The following KATNAL1 variants were observed in gnomAD, a reference collection of about 807,000 sequenced individuals.
KATNAL1 encodes the protein katanin catalytic subunit A1 like 1, also known as katanin p60 ATPase-containing subunit A-like 1.
Under a neutral mutation model 55.2 loss-of-function variants are expected in KATNAL1, and 32 were observed. The ratio of observed to expected loss-of-function variants is 0.58; its 90% CI spans 0.44 to 0.78. KATNAL1 has a LOEUF of 0.78. Ranked by LOEUF, KATNAL1 falls within the 30% of genes least tolerant of loss-of-function variation. The pLI is 0.00. For synonymous variants in KATNAL1, 193 were observed against 193.6 expected, an observed-to-expected ratio of 1.00 and a Z score of 0.02; for missense variants, 466 against 600.9, an observed-to-expected ratio of 0.78 and a Z score of 2.35.
chr13:30,278,188 G>C (rs1023824038), intron 3 of KATNAL1, among the ~76,000 whole-genome samples: 2 of 151,362 alleles, frequency 1.3e-5, no homozygotes, highest in Middle Eastern at 3.4e-3. Flanking sequence ...TATTGTTGTT[G>C]ATGGTATACA....
chr13:30,223,418 G>C (rs1875111487), intron 9 of KATNAL1, among the ~76,000 whole-genome samples: 1 of 133,692 alleles, frequency 7.5e-6, no homozygotes, highest in South Asian at 2.5e-4. Context: ...CTCCAGCCAG[G>C]GTGACAGAGC....
chr13:30,218,098 C>A lies in KATNAL1; in HGVS notation c.1148-7656G>T, dbSNP rs148202405. Among the ~76,000 whole-genome samples the A allele has an allele frequency of 1.3e-4, 19 of 151,680 alleles. 1 individual carries two copies. In the South Asian group the frequency reaches 4.0e-3, roughly 32 times the overall value. On this transcript the variant is annotated intron_variant, in intron 9 of 10. Coordinates refer to ENST00000380615, the MANE Select transcript of KATNAL1 (RefSeq NM_032116.5). ...CAACACAGAAGTAGGAAGAAGCATG[C>A]GTGCAGCAGAATGGGGGAAAAAGGT...
chr13:30,231,154 C>G (rs1876054225), intron 7 of KATNAL1, among the ~76,000 whole-genome samples, 160 bp downstream of exon 7: 1 of 152,182 alleles, frequency 6.6e-6, no homozygotes, highest in Non-Finnish European at 1.5e-5. Context: ...CCAACTACCC[C>G]ACAAAACCCA....
At position 30,255,598 on chromosome 13, in the gene KATNAL1, C is replaced by G; in HGVS notation, c.341G>C (p.Arg114Thr). The G allele has an allele frequency of 6.6e-7, 1 of 1,521,248 alleles. No homozygotes were observed. The highest frequency in any genetic ancestry group is 8.8e-7 in the Non-Finnish European group (1 of 1,136,646). 94.2% of individuals were successfully genotyped at this position (1,521,248 alleles called of 1,614,324 possible). A position where few individuals can be genotyped will look rare whatever the true frequency, so the allele number is the denominator to read the frequency against. The stretch of plus-strand genomic sequence containing the variant: ...AGGTCTTACTTCTCGATTGGGACGC[C>G]TGATCTGAGGTGGAGCTCTGACAAA... ...PAEHRAPPQI[R>T]RPNREVRPLR... is the part of the protein sequence containing the mutation. Residue 114 changes from arginine to threonine, a missense_variant, in exon 4 of 11, where the codon AGG (arginine) becomes ACG (threonine). Arg to Thr is a moderately conservative substitution (Grantham distance 71, BLOSUM62 -1). Transcript: ENST00000380615.
chr13:30,218,080 G>T (rs1001372052), intron 9 of KATNAL1, among the ~76,000 whole-genome samples: 1 of 152,042 alleles, frequency 6.6e-6, no homozygotes, highest in African/African-American at 2.4e-5. Context: ...TAACAACACA[G>T]AAGTAGGAAG....
At chr13:30,221,028 A>G (rs1422813234) in intron 9 of KATNAL1, among the ~76,000 whole-genome samples, 1 of 152,212 alleles carries the variant, frequency 6.6e-6, no homozygotes, top group Non-Finnish European at 1.5e-5. Flanking sequence ...GAAAAAGAAA[A>G]GTTTTCTTTT....
intron 3 of KATNAL1, among the ~76,000 whole-genome samples, chr13:30,278,424 T>C (rs566586595): frequency 6.6e-6 from 1 of 152,166 alleles, no homozygotes; most frequent in African/African-American, 2.4e-5. Context: ...AGTACAAAAA[T>C]AAGTCAGATC....
intron 3 of KATNAL1, among the ~76,000 whole-genome samples, chr13:30,277,810 C>T (rs1227686652): frequency 2.6e-5 from 4 of 151,002 alleles, no homozygotes; most frequent in Admixed American, 6.6e-5. Context: ...GGTGAAACCC[C>T]GTCTCTACTA....
chr13:30,264,484 A>G (rs1406819391), intron 3 of KATNAL1, among the ~76,000 whole-genome samples: 1 of 150,088 alleles, frequency 6.7e-6, no homozygotes, highest in South Asian at 2.1e-4. Flanking sequence ...TCATCTGACA[A>G]AGGGCTAATA....
At chr13:30,275,726 C>G (rs1448851640) in intron 3 of KATNAL1, among the ~76,000 whole-genome samples, 1 of 151,886 alleles carries the variant, frequency 6.6e-6, no homozygotes, top group Non-Finnish European at 1.5e-5. Context: ...AAATGAAAAA[C>G]AAAAGAAATG....
chr13:30,246,471 A>G (rs1407774837), intron 4 of KATNAL1, among the ~76,000 whole-genome samples: 1 of 152,240 alleles, frequency 6.6e-6, no homozygotes, highest in African/African-American at 2.4e-5. Context: ...ACCATTCAGG[A>G]CATAGGCATG....
intron 4 of KATNAL1, among the ~76,000 whole-genome samples, chr13:30,249,573 T>C (rs1439239299): frequency 2.0e-5 from 3 of 152,242 alleles, no homozygotes; most frequent in South Asian, 2.1e-4. Flanking sequence ...ACTACAAATA[T>C]ATACAACACC....
chr13:30,222,736 C>T (rs1177449673), intron 9 of KATNAL1, among the ~76,000 whole-genome samples: 1 of 152,134 alleles, frequency 6.6e-6, no homozygotes, highest in Non-Finnish European at 1.5e-5. Context: ...AGCAAGATGG[C>T]AGACTTAAAC....
At chr13:30,227,699 A>G (rs1387646834) in intron 8 of KATNAL1, among the ~76,000 whole-genome samples, 153 bp from the exon 9 acceptor site, 3 of 152,198 alleles carry the variant, frequency 2.0e-5, no homozygotes, top group Non-Finnish European at 4.4e-5. Flanking sequence ...ACACACTAAC[A>G]GATAACTACA....
chr13:30,273,998 A>G (rs1200473658), intron 3 of KATNAL1, among the ~76,000 whole-genome samples: 1 of 152,184 alleles, frequency 6.6e-6, no homozygotes. Flanking sequence ...AGCAGGGAAC[A>G]TGTCTATTTC....
chr13:30,276,372 G>A (rs1328597151), intron 3 of KATNAL1, among the ~76,000 whole-genome samples: 1 of 152,152 alleles, frequency 6.6e-6, no homozygotes, highest in Non-Finnish European at 1.5e-5. Flanking sequence ...CAATAGGAAT[G>A]GAGAAGTGTG....
At chr13:30,270,109 T>G (rs1283437814) in intron 3 of KATNAL1, among the ~76,000 whole-genome samples, 1 of 118,270 alleles carries the variant, frequency 8.5e-6, no homozygotes, top group Non-Finnish European at 1.9e-5. Context: ...AGCCGCCCCG[T>G]CCGGGAGGTG....
In KATNAL1 at chr13:30,241,061, G is replaced by A; in HGVS notation, c.518C>T (p.Ala173Val). The change falls in exon 5 of 11, where the codon GCA becomes GTA. Residue 173 changes from alanine to valine, a missense_variant. By Grantham distance (64) the Ala-to-Val change is moderately conservative (BLOSUM62 0). Transcript: ENST00000380615. ...AAATTTTGGCATTTCACCATCACTT[G>A]CACCATCTTGCATATTCTTCCTTCC... ...DKGRKNMQDG[A>V]SDGEMPKFDG... The A allele has an allele frequency of 1.2e-6, 2 of 1,613,144 alleles. No homozygotes were observed. The highest frequency in any genetic ancestry group is 1.7e-6 in the Non-Finnish European group (2 of 1,179,750).
rs183048783 is a variant in KATNAL1, at chr13:30,252,567, A to G, written c.492+2880T>C. On this transcript the variant is annotated intron_variant, in intron 4 of 10. Coordinates refer to ENST00000380615, the MANE Select transcript of KATNAL1 (RefSeq NM_032116.5). ...CATAAACATATGAATAAATTTGTAT[A>G]TATTTTTATCAAAATAATACTGTAC... Among the ~76,000 whole-genome samples, 39 of 152,284 alleles carry G rather than the reference A, an allele frequency of 2.6e-4. No individual in the cohort carries two copies. In the East Asian group the frequency reaches 7.1e-3, roughly 28 times the overall value.
Sources: gnomAD v4.1 joint callset for allele counts (sites outside exome capture counted in the v4.1 genomes callset) on GRCh38, gnomAD v4.1.1 for gene constraint, MANE v1.5 for transcripts, NCBI Gene and HGNC (gene_info 2026-07-23, HGNC 2026-07-21) for gene names.